The following MYL1 variants were observed in gnomAD, a reference collection of about 807,000 sequenced individuals.
MYL1 encodes the protein myosin light chain 1.
In MYL1, 16 loss-of-function variants were observed where a neutral mutation model predicts 21.8. The ratio of observed to expected loss-of-function variants is 0.74; its 90% CI spans 0.50 to 1.12. The LOEUF (loss-of-function observed/expected upper bound fraction) is 1.12, where lower values mean the gene tolerates loss of function less well. Among genes scored for constraint, MYL1 ranks in the 50% most tolerant of loss-of-function variants. The probability of loss-of-function intolerance (pLI) is 0.00; values close to 1 mark genes in which losing one functional copy is unlikely to be tolerated. For synonymous variants in MYL1, 99 were observed against 85.2 expected (o/e 1.16, Z -0.89); for missense variants, 246 against 241.0 (o/e 1.02, Z -0.14).
chr2:210,299,259 C>T (rs936494567), intron 2 of MYL1, among the ~76,000 whole-genome samples: 2 of 152,128 alleles, frequency 1.3e-5, no homozygotes, highest in Admixed American at 1.3e-4. Flanking sequence ...ACATATGTTG[C>T]TATATCAGCT....
intron 5 of MYL1, among the ~76,000 whole-genome samples, chr2:210,293,426 C>G (rs374654503): frequency 3.3e-5 from 5 of 152,274 alleles, no homozygotes; most frequent in African/African-American, 1.2e-4. Flanking sequence ...GTTTAATATT[C>G]TATTAAATTT....
intron 1 of MYL1, among the ~76,000 whole-genome samples, chr2:210,308,585 C>T (rs529298649): frequency 6.6e-6 from 1 of 151,130 alleles, no homozygotes; most frequent in Non-Finnish European, 1.5e-5. Flanking sequence ...TAATTTTGTG[C>T]TATGAAGTCC....
chr2:210,312,069 A>C (rs1465878839), intron 1 of MYL1, among the ~76,000 whole-genome samples: 1 of 151,962 alleles, frequency 6.6e-6, no homozygotes, highest in Non-Finnish European at 1.5e-5. Context: ...GATAAAACTA[A>C]TTAATTATAT....
intron 3 of MYL1, among the ~76,000 whole-genome samples, chr2:210,296,563 A>G (rs371739115): frequency 6.6e-6 from 1 of 152,124 alleles, no homozygotes; most frequent in Non-Finnish European, 1.5e-5. Flanking sequence ...AGGCGGGCAG[A>G]TGCTTGAGCT....
At chr2:210,292,915 G>C (rs965467169) in intron 5 of MYL1, among the ~76,000 whole-genome samples, 2 of 151,956 alleles carry the variant, frequency 1.3e-5, no homozygotes, top group Admixed American at 6.6e-5. Flanking sequence ...AATTGTCGAC[G>C]GGGAAAAAAG....
intron 1 of MYL1, among the ~76,000 whole-genome samples, chr2:210,306,076 T>TA (rs34620278): frequency 0.53 from 78,438 of 148,372 alleles, 20,598 homozygotes; most frequent in Middle Eastern, 0.65. Context: ...AAAAATAAAT[T>TA]AAAAAAATGA....
In MYL1 at chr2:210,307,452, C is replaced by T. The variant is rs577200148; in HGVS notation, c.133-4937G>A. 1.3e-4 allele frequency among the ~76,000 whole-genome samples: 20 copies of T among 152,316 alleles called. No homozygotes were observed. The South Asian group carries it at 3.5e-3, about 27-fold the overall frequency. On this transcript the variant is annotated intron_variant, in intron 1 of 6. Coordinates refer to ENST00000352451, the MANE Select transcript of MYL1 (RefSeq NM_079420.3). ...TTGTGTACCCTGAGGGAAAAGACTT[C>T]ACCTGCTCAAAGTTAGCATGTTCAT... is the stretch of plus-strand genomic sequence containing the variant.
At position 210,291,048 on chromosome 2, in the gene MYL1, A is replaced by G. The variant is rs769959608; in HGVS notation, c.583T>C (p.Ter195ArgextTer10). 4.4e-6 allele frequency: 7 copies of G among 1,608,892 alleles called. No homozygotes were observed. Among genetic ancestry groups the G allele is most frequent in the South Asian group, 2.2e-5 (2 of 90,752 alleles). The change falls in exon 6 of 7, where the codon TGA (stop) becomes CGA (arginine). Residue 195 changes from the stop codon to arginine (R), a stop_lost. Coordinates refer to ENST00000352451, the MANE Select transcript of MYL1 (RefSeq NM_079420.3). ...GGTATATACCTTGAGAGCTCCATTC[A>G]GATAGACATGATGTGCTTGACAAAA... is the stretch of plus-strand genomic sequence containing the variant. Reference protein sequence around the residue: ...EAFVKHIMSI* With the variant: ...EAFVKHIMSIR
chr2:210,293,116 T>A (rs1690106164), intron 5 of MYL1, among the ~76,000 whole-genome samples: 1 of 152,192 alleles, frequency 6.6e-6, no homozygotes, highest in East Asian at 1.9e-4. Flanking sequence ...TTTTAAATTT[T>A]CTTACAAATT....
At chr2:210,303,682 G>T in intron 1 of MYL1, 1 of 1,299,400 alleles carries the variant, frequency 7.7e-7, no homozygotes, top group Non-Finnish European at 1.0e-6. Context: ...CTAGCATCAG[G>T]TTTCAGAGAT....
intron 1 of MYL1, among the ~76,000 whole-genome samples, chr2:210,312,388 T>G (rs1304300867): frequency 2.6e-5 from 4 of 151,912 alleles, no homozygotes; most frequent in Non-Finnish European, 4.4e-5. Context: ...TTCTTTAAAG[T>G]TCATTTTCTC....
intron 2 of MYL1, 135 bp downstream of exon 2, chr2:210,302,353 A>G (rs964450897): frequency 1.4e-6 from 1 of 710,122 alleles, no homozygotes. Context: ...AGAGTGATCG[A>G]GAGCAATTTA....
chr2:210,302,798 G>A, intron 1 of MYL1: 9 of 1,561,394 alleles, frequency 5.8e-6, no homozygotes, highest in Non-Finnish European at 7.8e-6. Flanking sequence ...AAGGACTGCA[G>A]TGGCGAAGAA....
intron 1 of MYL1, among the ~76,000 whole-genome samples, chr2:210,305,791 T>A (rs549518267): frequency 1.3e-5 from 2 of 152,340 alleles, no homozygotes; most frequent in African/African-American, 4.8e-5. Context: ...CTGGGTGTGG[T>A]GGCTCATGCC....
rs369883035 is a variant in MYL1 at position 210,291,037 on chromosome 2, G to A, written c.*9C>T. On this transcript the variant is annotated 3_prime_UTR_variant, in exon 6 of 7. Coordinates refer to ENST00000352451, the MANE Select transcript of MYL1 (RefSeq NM_079420.3). ...AAGAGGGAACTGGTATATACCTTGA[G>A]AGCTCCATTCAGATAGACATGATGT... 5.7e-5 allele frequency: 92 copies of A among 1,604,912 alleles called. No individual in the cohort carries two copies. Among genetic ancestry groups the A allele is most frequent in the Non-Finnish European group, 7.4e-5 (87 of 1,173,160 alleles).
chr2:210,291,852 T>G (rs966941781), intron 5 of MYL1, among the ~76,000 whole-genome samples: 22 of 152,128 alleles, frequency 1.4e-4, no homozygotes, highest in Non-Finnish European at 8.8e-5. Context: ...GGTCATCTCA[T>G]TTGAGTGAAA....
rs1275104477 is a variant in MYL1, at chr2:210,291,215, T to C, written c.557-141A>G. ...TTTTCTTTTGTATTTAAGGTGTGTA[T>C]AGCTCATAATTCTTAGTAGTGGATT... On this transcript the variant is annotated intron_variant, in intron 5 of 6. Transcript: ENST00000352451. The C allele has an allele frequency of 6.2e-6, 4 of 642,270 alleles. No individual in the cohort carries two copies. The South Asian group carries it at 6.7e-5, about 11-fold the overall frequency. The allele number at this position is 642,270 out of a possible 1,614,324, so 39.8% of individuals were successfully genotyped here.
At chr2:210,302,615 A>G (rs1006383665) in intron 1 of MYL1, 100 bp from the exon 2 acceptor site, 97 of 1,498,746 alleles carry the variant, frequency 6.5e-5, no homozygotes, top group Non-Finnish European at 8.1e-5. Context: ...CTTCAAAGTA[A>G]GCTCCAAAAG....
At chr2:210,301,877 A>C (rs1195798477) in intron 2 of MYL1, among the ~76,000 whole-genome samples, 1 of 152,116 alleles carries the variant, frequency 6.6e-6, no homozygotes, top group Non-Finnish European at 1.5e-5. Context: ...TCCTATCACT[A>C]ATTCTTTGAG....
Sources: gnomAD v4.1 joint callset for allele counts (sites outside exome capture counted in the v4.1 genomes callset) on GRCh38, gnomAD v4.1.1 for gene constraint, MANE v1.5 for transcripts, NCBI Gene and HGNC (gene_info 2026-07-23, HGNC 2026-07-21) for gene names.